The following ITGB3BP variants were observed in gnomAD, a reference collection of about 807,000 sequenced individuals.
ITGB3BP encodes centromere protein R.
A neutral mutation model predicts 29.1 loss-of-function variants in ITGB3BP; 27 were observed. That is an observed-to-expected ratio of 0.93 (90% CI 0.68 to 1.28). The LOEUF is 1.28. Ranked by LOEUF, ITGB3BP falls within the 50% of genes most tolerant of loss-of-function variation. ITGB3BP has a pLI of 0.00. For synonymous variants in ITGB3BP, 61 were observed against 61.4 expected, an observed-to-expected ratio of 0.99 and a Z score of 0.03; for missense variants, 192 against 200.2, an observed-to-expected ratio of 0.96 and a Z score of 0.25.
At chr1:63,461,296 C>T (rs1645015153) in intron 4 of ITGB3BP, among the ~76,000 whole-genome samples, 1 of 149,192 alleles carries the variant, frequency 6.7e-6, no homozygotes, top group South Asian at 2.1e-4. Context: ...CAAGTCTTTG[C>T]CTATATTTAA....
intron 3 of ITGB3BP, among the ~76,000 whole-genome samples, chr1:63,480,196 C>T (rs971428794): frequency 3.6e-4 from 55 of 152,070 alleles, no homozygotes; most frequent in Non-Finnish European, 2.8e-4. Context: ...CAGATGCACA[C>T]GTGAAGACAT....
chr1:63,490,088 G>A lies in ITGB3BP; in HGVS notation c.179C>T (p.Ser60Leu), dbSNP rs1645613901. 1 of 1,609,198 alleles carries A rather than the reference G, an allele frequency of 6.2e-7. No homozygotes were observed. The highest frequency in any genetic ancestry group is 8.5e-7 in the Non-Finnish European group (1 of 1,177,938). Residue 60 changes from serine to leucine, a missense_variant, in exon 3 of 9, where the codon TCA becomes TTA. Coordinates refer to ENST00000271002, the MANE Select transcript of ITGB3BP (RefSeq NM_014288.5). Reference sequence around the variant, plus strand: ...GAAAAGAATGTTCAACTAACCATTTGATAGTCCATTTCTGTGCTTTTGCTC... The same window carrying A: ...GAAAAGAATGTTCAACTAACCATTTAATAGTCCATTTCTGTGCTTTTGCTC... ...SEEQKHRNGLSNEKRKKLNHP... is the reference protein window; with the variant it reads ...SEEQKHRNGLLNEKRKKLNHP...
At chr1:63,480,733 C>T (rs965638197) in intron 3 of ITGB3BP, among the ~76,000 whole-genome samples, 1 of 152,044 alleles carries the variant, frequency 6.6e-6, no homozygotes, top group Admixed American at 6.6e-5. Context: ...TTTGTTAAAG[C>T]ACTAGTTATT....
chr1:63,522,969 AGAGTT>A, intron 1 of ITGB3BP, 155 bp downstream of exon 1: 2 of 831,960 alleles, frequency 2.4e-6, no homozygotes, highest in Non-Finnish European at 4.3e-6. Context: ...GAGGAGACGT[AGAGTT>A]GAGGGTACCA....
chr1:63,504,730 A>G (rs948048259), intron 2 of ITGB3BP, among the ~76,000 whole-genome samples: 1 of 152,074 alleles, frequency 6.6e-6, no homozygotes, highest in Non-Finnish European at 1.5e-5. Context: ...AAGGTTGTTG[A>G]ATTTTGTCAA....
chr1:63,473,828 C>T (rs1645267404), intron 4 of ITGB3BP, among the ~76,000 whole-genome samples: 1 of 60,308 alleles, frequency 1.7e-5, no homozygotes, highest in African/African-American at 6.4e-5. Flanking sequence ...CCGGCCGCCC[C>T]GTCCGGGAGG....
chr1:63,456,077 G>A (rs1644931984), intron 4 of ITGB3BP, among the ~76,000 whole-genome samples: 1 of 152,036 alleles, frequency 6.6e-6, no homozygotes, highest in Non-Finnish European at 1.5e-5. Flanking sequence ...GTTTCAAACA[G>A]CATAAATCCA....
intron 1 of ITGB3BP, among the ~76,000 whole-genome samples, chr1:63,509,352 T>C (rs1646148868): frequency 6.6e-6 from 1 of 152,200 alleles, no homozygotes; most frequent in Non-Finnish European, 1.5e-5. Context: ...AAAAGGTCAA[T>C]ATAAATTAAA....
intron 8 of ITGB3BP, 97 bp downstream of exon 8, chr1:63,446,709 A>G: frequency 1.1e-6 from 1 of 873,852 alleles, no homozygotes; most frequent in South Asian, 1.4e-5. Flanking sequence ...ACAGGAAGAC[A>G]ATACCAAATC....
intron 4 of ITGB3BP, among the ~76,000 whole-genome samples, chr1:63,477,547 C>T (rs80294956): frequency 1.0e-3 from 157 of 152,124 alleles, no homozygotes; most frequent in African/African-American, 3.7e-3. Flanking sequence ...GGCGAAACTC[C>T]GTCTCCGAAA....
intron 2 of ITGB3BP, among the ~76,000 whole-genome samples, chr1:63,493,088 A>ACACACACGCGCG (rs372348238): frequency 8.1e-4 from 120 of 148,848 alleles, no homozygotes; most frequent in African/African-American, 2.6e-3. Context: ...ACACACACAC[A>ACACACACGCGCG]CGCGCGCGCG....
intron 3 of ITGB3BP, among the ~76,000 whole-genome samples, 188 bp downstream of exon 3, chr1:63,489,895 T>C (rs1407063677): frequency 2.0e-5 from 3 of 152,110 alleles, no homozygotes; most frequent in African/African-American, 2.4e-5. Flanking sequence ...AAGCCTGCAG[T>C]TGCATTTTAA....
At chr1:63,466,873 G>A (rs1193140178) in intron 4 of ITGB3BP, among the ~76,000 whole-genome samples, 3 of 152,074 alleles carry the variant, frequency 2.0e-5, no homozygotes, top group African/African-American at 7.2e-5. Flanking sequence ...GGAGTATTGC[G>A]CCTTCTCCAA....
chr1:63,469,676 A>G (rs1645162396), intron 4 of ITGB3BP, among the ~76,000 whole-genome samples: 1 of 152,222 alleles, frequency 6.6e-6, no homozygotes, highest in Non-Finnish European at 1.5e-5. Context: ...CTAAAGATAC[A>G]AATGTCCTAT....
upstream of ITGB3BP, among the ~76,000 whole-genome samples, chr1:63,523,892 A>T (rs1199047934): frequency 6.6e-6 from 1 of 152,048 alleles, no homozygotes; most frequent in Non-Finnish European, 1.5e-5. Flanking sequence ...GGCCCTGTAG[A>T]AGCCTTAGGC....
chr1:63,463,923 A>C (rs1645061042), intron 4 of ITGB3BP, among the ~76,000 whole-genome samples: 1 of 152,242 alleles, frequency 6.6e-6, no homozygotes, highest in South Asian at 2.1e-4. Flanking sequence ...CAAAGTGAAA[A>C]GAGTACATAT....
chr1:63,449,982 G>A (rs1570120310), intron 7 of ITGB3BP, among the ~76,000 whole-genome samples: 1 of 151,834 alleles, frequency 6.6e-6, no homozygotes, highest in Non-Finnish European at 1.5e-5. Flanking sequence ...TCAGTGGGTG[G>A]TTAGAATGAA....
chr1:63,481,563 A>T (rs1416474610), intron 3 of ITGB3BP, among the ~76,000 whole-genome samples: 1 of 152,140 alleles, frequency 6.6e-6, no homozygotes, highest in Non-Finnish European at 1.5e-5. Flanking sequence ...TGTGTATTTG[A>T]CTCTCTTCAA....
intron 3 of ITGB3BP, among the ~76,000 whole-genome samples, chr1:63,482,782 T>G (rs934003368): frequency 6.6e-6 from 1 of 151,512 alleles, no homozygotes; most frequent in Non-Finnish European, 1.5e-5. Context: ...GCCTTCCGAG[T>G]AGCTGGGACT....
Sources: gnomAD v4.1 joint callset for allele counts (sites outside exome capture counted in the v4.1 genomes callset) on GRCh38, gnomAD v4.1.1 for gene constraint, MANE v1.5 for transcripts, NCBI Gene and HGNC (gene_info 2026-07-23, HGNC 2026-07-21) for gene names.